AFF2: variants seen among roughly 807,000 people sequenced by gnomAD.
AFF2 encodes ALF transcription elongation factor 2.
In AFF2, 14 loss-of-function variants were observed where a neutral mutation model predicts 76.9. The ratio of observed to expected loss-of-function variants is 0.18; its 90% CI spans 0.12 to 0.28. The LOEUF (loss-of-function observed/expected upper bound fraction) is 0.28, where lower values mean the gene tolerates loss of function less well. AFF2 is among the 10% of genes least tolerant of loss of function. The pLI, the probability that AFF2 is intolerant of heterozygous loss-of-function variation, is 1.00. For missense variants in AFF2, 868 were observed against 1,001.1 expected, an observed-to-expected ratio of 0.87 and a Z score of 1.79; for synonymous variants, 398 against 366.7, an observed-to-expected ratio of 1.09 and a Z score of -0.98.
chrX:148,526,039 A>C (rs1266798042), intron 1 of AFF2, among the ~76,000 whole-genome samples: 1 of 111,687 alleles, frequency 9.0e-6, no homozygotes, highest in East Asian at 2.8e-4. Context: ...GAGCAATCAT[A>C]GTATAATAGC....
In AFF2 at chrX:148,674,899, T is replaced by G. The variant is rs539288950; in HGVS notation, c.1041+12131T>G. 4.4e-5 allele frequency among the ~76,000 whole-genome samples: 5 copies of G among 112,724 alleles called. No individual in the cohort carries two copies. The South Asian group carries it at 1.5e-3, about 33-fold the overall frequency. On this transcript the variant is annotated intron_variant, in intron 3 of 20. Coordinates refer to ENST00000370460, the MANE Select transcript of AFF2 (RefSeq NM_002025.4). ...GTGGGGAGGTAGAGATTTCTAAGATTCTTAGAAAAACAAGTCCTCTTGTAT... is the reference window on the plus strand; with the variant it reads ...GTGGGGAGGTAGAGATTTCTAAGATGCTTAGAAAAACAAGTCCTCTTGTAT...
At chrX:148,711,391 G>A (rs1158609326) in intron 3 of AFF2, among the ~76,000 whole-genome samples, 1 of 111,716 alleles carries the variant, frequency 9.0e-6, no homozygotes, top group Non-Finnish European at 1.9e-5. Context: ...AATTGTGTGT[G>A]GGACTAGTCT....
intron 3 of AFF2, among the ~76,000 whole-genome samples, chrX:148,718,911 C>T (rs1193940112): frequency 9.0e-6 from 1 of 111,424 alleles, no homozygotes; most frequent in Non-Finnish European, 1.9e-5. Context: ...CAGTGTCCCA[C>T]GATTTACCAT....
At chrX:148,585,567 C>T (rs782114469) in intron 1 of AFF2, among the ~76,000 whole-genome samples, 1 of 110,974 alleles carries the variant, frequency 9.0e-6, no homozygotes, top group Admixed American at 9.5e-5. Flanking sequence ...AGGCCGGGCG[C>T]GGTGGCTCAC....
At chrX:148,683,209 G>A (rs1261214193) in intron 3 of AFF2, among the ~76,000 whole-genome samples, 2 of 111,921 alleles carry the variant, frequency 1.8e-5, no homozygotes, top group African/African-American at 6.5e-5. Flanking sequence ...TTCTTTAAAA[G>A]GCTGTGTGAC....
chrX:148,766,232 G>T (rs2069514752), intron 3 of AFF2, among the ~76,000 whole-genome samples: 1 of 109,820 alleles, frequency 9.1e-6, no homozygotes, highest in Non-Finnish European at 1.9e-5. Flanking sequence ...TAATGGAATG[G>T]CTGGGTCAAA....
intron 7 of AFF2, among the ~76,000 whole-genome samples, chrX:148,874,450 G>A (rs1364168268): frequency 9.1e-6 from 1 of 109,947 alleles, no homozygotes; most frequent in Non-Finnish European, 1.9e-5. Context: ...AAAAAATGGC[G>A]ACTCAGAGAG....
intron 9 of AFF2, among the ~76,000 whole-genome samples, chrX:148,939,499 G>A (rs1438433233): frequency 8.9e-6 from 1 of 112,019 alleles, no homozygotes; most frequent in Non-Finnish European, 1.9e-5. Context: ...GTGTATGCTA[G>A]TAATCATGGC....
rs1557293973 is a variant in AFF2 at position 148,999,706 on chromosome X, G to T, written c.*8374G>T. 1 of 111,940 alleles carries T rather than the reference G, an allele frequency of 8.9e-6. No homozygotes were observed. The highest frequency in any genetic ancestry group is 1.9e-5 in the Non-Finnish European group (1 of 53,233). 9.2% of individuals were successfully genotyped at this position (111,940 alleles called of 1,213,427 possible). A position where few individuals can be genotyped will look rare whatever the true frequency, so the allele number is the denominator to read the frequency against. ...CCTTCTTGAAAAACATTATTTTACA[G>T]TTCCAGGAGGCCCTGGTTACATTAC... is the stretch of plus-strand genomic sequence containing the variant. On this transcript the variant is annotated 3_prime_UTR_variant, in exon 21 of 21. Coordinates refer to ENST00000370460, the MANE Select transcript of AFF2 (RefSeq NM_002025.4).
At chrX:148,513,298 C>T (rs3790347) in intron 1 of AFF2, among the ~76,000 whole-genome samples, 2 of 111,811 alleles carry the variant, frequency 1.8e-5, no homozygotes, top group African/African-American at 3.3e-5. Flanking sequence ...AGAGTCTTTT[C>T]TTTGTGCTGT....
At chrX:148,798,120 T>C (rs1215606461) in intron 3 of AFF2, among the ~76,000 whole-genome samples, 1 of 111,837 alleles carries the variant, frequency 8.9e-6, no homozygotes, top group Non-Finnish European at 1.9e-5. Flanking sequence ...CATTATAACA[T>C]GGTAGAAGGC....
chrX:148,871,928 C>G (rs782161053), intron 7 of AFF2, among the ~76,000 whole-genome samples: 5 of 111,022 alleles, frequency 4.5e-5, no homozygotes, highest in Non-Finnish European at 9.4e-5. Context: ...GAAAAAATAG[C>G]TCTTTTTCTC....
rs2072633442 is a variant in AFF2, at chrX:148,998,441, G to A, written c.*7109G>A. On this transcript the variant is annotated 3_prime_UTR_variant, in exon 21 of 21. Coordinates refer to ENST00000370460, the MANE Select transcript of AFF2 (RefSeq NM_002025.4). ...GATTTAAAACATGCCCCCTGGAAAGGCATGCTGTATTATGAAATCGTGATA... is the reference window on the plus strand; with the variant it reads ...GATTTAAAACATGCCCCCTGGAAAGACATGCTGTATTATGAAATCGTGATA... The A allele has an allele frequency of 8.9e-6, 1 of 112,622 alleles. No homozygotes were observed. Among genetic ancestry groups the A allele is most frequent in the South Asian group, 3.7e-4 (1 of 2,691 alleles). The allele number at this position is 112,622 out of a possible 1,213,427, so 9.3% of individuals were successfully genotyped here. A position where few individuals can be genotyped will look rare whatever the true frequency, so the allele number is the denominator to read the frequency against.
chrX:148,505,241 G>T (rs1483493963), intron 1 of AFF2, among the ~76,000 whole-genome samples: 2 of 111,458 alleles, frequency 1.8e-5, no homozygotes, highest in African/African-American at 6.5e-5. Context: ...CACTAGTAAG[G>T]TCTCCTCCGC....
intron 10 of AFF2, 35 bp downstream of exon 10, chrX:148,953,774 G>C: frequency 8.7e-7 from 1 of 1,150,061 alleles, no homozygotes; most frequent in Non-Finnish European, 1.2e-6. Context: ...ACCATGATCT[G>C]CCTGTCCCAC....
intron 1 of AFF2, among the ~76,000 whole-genome samples, chrX:148,621,585 A>C (rs1557251272): frequency 8.9e-6 from 1 of 112,078 alleles, no homozygotes; most frequent in African/African-American, 3.2e-5. Context: ...TTATGTAATC[A>C]TAATAACAAC....
intron 16 of AFF2, among the ~76,000 whole-genome samples, chrX:148,975,088 A>G (rs1316878449): frequency 8.9e-6 from 1 of 112,074 alleles, no homozygotes; most frequent in Non-Finnish European, 1.9e-5. Flanking sequence ...CAGCAAAAAA[A>G]GGCCTAGCAG....
Position 148,501,034 on chromosome X carries a change from G to A in AFF2, c.-64G>A, listed in dbSNP as rs1371766402. 5.2e-5 allele frequency: 62 copies of A among 1,181,308 alleles called. No homozygotes were observed. The highest frequency in any genetic ancestry group is 7.2e-5 in the South Asian group (4 of 55,587). Reference sequence around the variant, plus strand: ...CCGAGAACCGCCAGCGAGCTGTGCCGAGAGCCGCGCCGACCCGCTGCGATC... The same window carrying A: ...CCGAGAACCGCCAGCGAGCTGTGCCAAGAGCCGCGCCGACCCGCTGCGATC... On this transcript the variant is annotated 5_prime_UTR_variant, in exon 1 of 21. Transcript: ENST00000370460.
chrX:148,832,956 G>A (rs1191831083), intron 4 of AFF2, among the ~76,000 whole-genome samples: 1 of 111,702 alleles, frequency 9.0e-6, no homozygotes, highest in East Asian at 2.8e-4. Context: ...ATTCATTAAG[G>A]TGGTCATTTG....
Sources: allele counts gnomAD v4.1 joint callset (sites outside exome capture counted in the v4.1 genomes callset), GRCh38; gene constraint gnomAD v4.1.1; transcripts MANE v1.5; gene names NCBI Gene and HGNC (gene_info 2026-07-23, HGNC 2026-07-21).